Variants in FGD3 observed in about 807,000 individuals in gnomAD.
FGD3 encodes FYVE, RhoGEF and PH domain containing 3.
In FGD3, 45 loss-of-function variants were observed where a neutral mutation model predicts 71.8. The ratio of observed to expected loss-of-function variants is 0.63; its 90% confidence interval spans 0.49 to 0.80. The LOEUF is 0.80. Ranked by LOEUF, FGD3 falls within the 30% of genes least tolerant of loss-of-function variation. FGD3 has a pLI of 0.00. For synonymous variants in FGD3, 378 were observed against 392.8 expected (o/e 0.96, Z 0.44); for missense variants, 844 against 951.5 (o/e 0.89, Z 1.49).
intron 3 of FGD3, among the ~76,000 whole-genome samples, chr9:92,995,302 T>C (rs1049066591): frequency 1.6e-4 from 24 of 152,188 alleles, no homozygotes; most frequent in Admixed American, 3.9e-4. Context: ...AAGGAATGCT[T>C]GTGATTTTTG....
At chr9:92,953,567 C>T (rs1050602262) in intron 1 of FGD3, among the ~76,000 whole-genome samples, 4 of 152,148 alleles carry the variant, frequency 2.6e-5, no homozygotes, top group African/African-American at 9.7e-5. Context: ...CCAGGGAGCC[C>T]CCAGGAACTT....
At position 93,030,865 on chromosome 9, in the gene FGD3, G is replaced by A. The variant is rs59817863; in HGVS notation, c.1680+869G>A. On this transcript the variant is annotated intron_variant, in intron 15 of 17. Coordinates refer to ENST00000375482, the MANE Select transcript of FGD3 (RefSeq NM_001083536.2). Reference sequence around the variant, plus strand: ...GCGTGGATGGATGGATGAGGGGATGGATGGATAGGTGGGTAGTTAGATAAA... The same window carrying A: ...GCGTGGATGGATGGATGAGGGGATGAATGGATAGGTGGGTAGTTAGATAAA... Among the ~76,000 whole-genome samples the A allele has an allele frequency of 9.2e-3, 1,400 of 152,158 alleles. 31 individuals carry two copies. The highest frequency in any genetic ancestry group is 0.031 in the African/African-American group (1,304 of 41,518).
chr9:92,958,415 C>T (rs567739811), intron 1 of FGD3, among the ~76,000 whole-genome samples: 1 of 152,370 alleles, frequency 6.6e-6, no homozygotes, highest in East Asian at 1.9e-4. Context: ...TCTTTATCAA[C>T]ATCCTCCCCA....
intron 1 of FGD3, among the ~76,000 whole-genome samples, chr9:92,963,216 C>T (rs921514238): frequency 1.3e-5 from 2 of 152,170 alleles, no homozygotes; most frequent in Non-Finnish European, 2.9e-5. Flanking sequence ...TGAAGGGGCC[C>T]AATGAGTAAC....
At chr9:93,009,700 G>A (rs146339944) in intron 6 of FGD3, among the ~76,000 whole-genome samples, 33 of 152,320 alleles carry the variant, frequency 2.2e-4, no homozygotes, top group African/African-American at 7.0e-4. Flanking sequence ...ACAGGGAGCC[G>A]GTGAGCAGAG....
chr9:93,015,550 A>G, intron 9 of FGD3, 187 bp from the exon 10 acceptor site: 1 of 438,848 alleles, frequency 2.3e-6, no homozygotes, highest in Non-Finnish European at 4.0e-6. Flanking sequence ...AAATAAAGCT[A>G]GCGACTAGAG....
rs758121259 is a variant in FGD3, at chr9:93,020,298, G to A, written c.1387-19G>A. On this transcript the variant is annotated intron_variant, in intron 12 of 17. Coordinates refer to ENST00000375482, the MANE Select transcript of FGD3 (RefSeq NM_001083536.2). ...CCCATGCCCCTTTATAGTCCTCACT[G>A]TTGTGTTGCTGTGTCCAGATCATCC... 1.1e-5 allele frequency: 18 copies of A among 1,602,526 alleles called. No individual in the cohort carries two copies. In the South Asian group the frequency reaches 2.0e-4, roughly 18 times the overall value.
chr9:92,971,191 T>C (rs1290907006), intron 1 of FGD3, among the ~76,000 whole-genome samples: 1 of 152,140 alleles, frequency 6.6e-6, no homozygotes, highest in Non-Finnish European at 1.5e-5. Context: ...AGTGTGTGAA[T>C]TGGGGGGTAC....
In FGD3 at chr9:93,004,029, G is replaced by C; in HGVS notation, c.572G>C (p.Gly191Ala). The change falls in exon 5 of 18, where the codon GGG becomes GCG. Residue 191 changes from glycine (G) to alanine (A), a missense_variant. By Grantham distance (60) the Gly-to-Ala change is moderately conservative. Transcript: ENST00000375482. ...TTCTGCACCAGGCTGACGGATGCGG[G>C]GATCCCTCCAGAAGTCATCATGGGC... ...QVFCTRLTDA[G>A]IPPEVIMGIF... 1.2e-6 allele frequency: 2 copies of C among 1,614,134 alleles called. No homozygotes were observed. Among genetic ancestry groups the C allele is most frequent in the Non-Finnish European group, 1.7e-6 (2 of 1,180,024 alleles).
At chr9:93,002,512 T>C (rs906272616) in intron 3 of FGD3, among the ~76,000 whole-genome samples, 2 of 152,106 alleles carry the variant, frequency 1.3e-5, no homozygotes, top group African/African-American at 4.8e-5. Flanking sequence ...ACATCACCAA[T>C]TTCCCTACAC....
chr9:93,005,794 C>T (rs948550726), intron 5 of FGD3, among the ~76,000 whole-genome samples: 1 of 152,214 alleles, frequency 6.6e-6, no homozygotes, highest in Non-Finnish European at 1.5e-5. Context: ...AAGCTTGCAG[C>T]TTGGACTTTT....
chr9:93,020,357 A>G lies in FGD3; in HGVS notation c.1427A>G (p.Glu476Gly). The change falls in exon 13 of 18, where the codon GAA becomes GGA. Residue 476 changes from glutamate (E) to glycine (G), a missense_variant. Transcript: ENST00000375482. ...ATCGAGAAGCACAAACAGAACAGCG[A>G]AACCTTCAAGGCTTTTGGTGGCGCC... ...ATIEKHKQNSETFKAFGGAFS... is the reference protein window; with the variant it reads ...ATIEKHKQNSGTFKAFGGAFS... 1 of 1,613,728 alleles carries G rather than the reference A, an allele frequency of 6.2e-7. No homozygotes were observed. The highest frequency in any genetic ancestry group is 2.2e-5 in the East Asian group (1 of 44,862).
Position 92,994,381 on chromosome 9 carries a change from G to A in FGD3, c.454-8544G>A, listed in dbSNP as rs935214456. ...TCTGGATATTAGCCCTTTGTCAGAT[G>A]GGTAGATTGCAAAAATTTTCTCCCA... On this transcript the variant is annotated intron_variant, in intron 3 of 17. Transcript: ENST00000375482. Among the ~76,000 whole-genome samples, 33 of 152,104 alleles carry A rather than the reference G, an allele frequency of 2.2e-4. 1 individual carries two copies. The highest frequency in any genetic ancestry group is 1.2e-4 in the Non-Finnish European group (8 of 68,038).
rs770101847 is a variant in FGD3, at chr9:93,026,166, C to T, written c.1558-3708C>T. ...GAAAAAATGCTGGAGGGGGCAGCCCCGTTGGCCCTTGGTGGAGACCACTTT... is the reference window on the plus strand; with the variant it reads ...GAAAAAATGCTGGAGGGGGCAGCCCTGTTGGCCCTTGGTGGAGACCACTTT... On this transcript the variant is annotated intron_variant, in intron 14 of 17. Coordinates refer to ENST00000375482, the MANE Select transcript of FGD3 (RefSeq NM_001083536.2). Among the ~76,000 whole-genome samples the T allele has an allele frequency of 2.6e-5, 4 of 152,206 alleles. No individual in the cohort carries two copies. The East Asian group carries it at 5.8e-4, about 22-fold the overall frequency.
At chr9:92,987,449 A>G (rs1860232948) in intron 3 of FGD3, among the ~76,000 whole-genome samples, 1 of 151,038 alleles carries the variant, frequency 6.6e-6, no homozygotes. Flanking sequence ...AAAAAAAGAA[A>G]GAAAGAAAAA....
At chr9:92,967,670 G>T (rs1188302839) in intron 1 of FGD3, among the ~76,000 whole-genome samples, 4 of 152,112 alleles carry the variant, frequency 2.6e-5, no homozygotes, top group Non-Finnish European at 5.9e-5. Context: ...TGCCTTCCAG[G>T]TTCAAGCTAT....
chr9:93,012,023 A>G (rs574657664), intron 8 of FGD3, among the ~76,000 whole-genome samples: 9 of 150,284 alleles, frequency 6.0e-5, no homozygotes, highest in African/African-American at 2.2e-4. Context: ...GCATGGTGGC[A>G]GGCGACTGTA....
intron 1 of FGD3, among the ~76,000 whole-genome samples, chr9:92,949,363 G>A (rs79118968): frequency 0.013 from 1,922 of 152,222 alleles, 32 homozygotes; most frequent in African/African-American, 0.044. Flanking sequence ...TGACCTATAT[G>A]GAAGCCTGTC....
chr9:92,950,739 G>C (rs536119988), intron 1 of FGD3, among the ~76,000 whole-genome samples: 1 of 152,336 alleles, frequency 6.6e-6, no homozygotes, highest in African/African-American at 2.4e-5. Flanking sequence ...GTAGTCTGTG[G>C]CTAGGGTGCC....
Sources: allele counts gnomAD v4.1 joint callset (sites outside exome capture counted in the v4.1 genomes callset), GRCh38; gene constraint gnomAD v4.1.1; transcripts MANE v1.5; gene names NCBI Gene and HGNC (gene_info 2026-07-23, HGNC 2026-07-21).